Variants in ADCY2 observed in about 807,000 individuals in gnomAD.
The protein encoded by ADCY2 is adenylate cyclase type 2.
Under a neutral mutation model 125.2 loss-of-function variants are expected in ADCY2, and 31 were observed. That is an observed-to-expected ratio of 0.25 (90% CI 0.19 to 0.33). ADCY2 has a LOEUF of 0.33. ADCY2 is among the 10% of genes least tolerant of loss of function. The pLI, the probability that ADCY2 is intolerant of heterozygous loss-of-function variation, is 1.00. For missense variants in ADCY2, 904 were observed against 1,418.2 expected (o/e 0.64, Z 5.82); for synonymous variants, 512 against 548.4 (o/e 0.93, Z 0.93).
intron 2 of ADCY2, among the ~76,000 whole-genome samples, chr5:7,465,509 G>A (rs1742082425): frequency 6.6e-6 from 1 of 152,194 alleles, no homozygotes; most frequent in Non-Finnish European, 1.5e-5. Context: ...CACGGCGTGT[G>A]CACAGGTGTT....
chr5:7,493,797 C>G (rs1213097301), intron 2 of ADCY2, among the ~76,000 whole-genome samples: 1 of 152,130 alleles, frequency 6.6e-6, no homozygotes, highest in African/African-American at 2.4e-5. Context: ...GTTGCTGATT[C>G]ATCCTAAGTA....
chr5:7,636,588 A>T (rs1345524504), intron 4 of ADCY2, among the ~76,000 whole-genome samples: 1 of 152,248 alleles, frequency 6.6e-6, no homozygotes, highest in Non-Finnish European at 1.5e-5. Flanking sequence ...TGTGTCAAAC[A>T]TGATTAGGCT....
intron 3 of ADCY2, among the ~76,000 whole-genome samples, chr5:7,582,176 A>G (rs929155001): frequency 2.0e-5 from 3 of 152,310 alleles, no homozygotes; most frequent in South Asian, 2.1e-4. Context: ...GACATTTTAC[A>G]ATAATATCAT....
chr5:7,814,425 T>A (rs1021980929), intron 22 of ADCY2, among the ~76,000 whole-genome samples: 1 of 151,926 alleles, frequency 6.6e-6, no homozygotes. Flanking sequence ...TGCCGTCCAG[T>A]AGGCAGAGGC....
At chr5:7,619,625 C>A (rs980074445) in intron 3 of ADCY2, among the ~76,000 whole-genome samples, 1 of 152,160 alleles carries the variant, frequency 6.6e-6, no homozygotes, top group Non-Finnish European at 1.5e-5. Context: ...CTTGTTTCAT[C>A]TTCTCTTTTC....
chr5:7,450,596 T>G (rs926148398), intron 2 of ADCY2, among the ~76,000 whole-genome samples: 4 of 152,208 alleles, frequency 2.6e-5, no homozygotes, highest in Admixed American at 2.0e-4. Context: ...AGATCATTGA[T>G]GAAGGTGGCC....
At chr5:7,448,366 A>C (rs534694550) in intron 2 of ADCY2, among the ~76,000 whole-genome samples, 9 of 152,210 alleles carry the variant, frequency 5.9e-5, no homozygotes, top group African/African-American at 1.7e-4. Context: ...CTGGTGCAAA[A>C]AGATTCTCCC....
intron 3 of ADCY2, among the ~76,000 whole-genome samples, chr5:7,573,588 A>ATTTTTTTT (rs1561102712): frequency 1.1e-5 from 1 of 94,622 alleles, no homozygotes; most frequent in Admixed American, 1.1e-4. Flanking sequence ...TACAGGGTTG[A>ATTTTTTTT]TTTTCTTTTT....
At chr5:7,639,251 A>G (rs979578541) in intron 4 of ADCY2, among the ~76,000 whole-genome samples, 2 of 152,136 alleles carry the variant, frequency 1.3e-5, no homozygotes, top group Non-Finnish European at 2.9e-5. Flanking sequence ...CCAAACACCA[A>G]CTGACAAAAC....
intron 3 of ADCY2, among the ~76,000 whole-genome samples, chr5:7,584,775 C>A (rs977278757): frequency 6.6e-6 from 1 of 152,060 alleles, no homozygotes; most frequent in Non-Finnish European, 1.5e-5. Flanking sequence ...AACATTTTTA[C>A]AAATATATAC....
chr5:7,432,921 A>G (rs1740661345), intron 2 of ADCY2, among the ~76,000 whole-genome samples: 1 of 135,124 alleles, frequency 7.4e-6, no homozygotes, highest in Non-Finnish European at 1.6e-5. Context: ...ATTGTACTGC[A>G]TGATGTACTG....
Position 7,828,606 on chromosome 5 carries a change from G to T in ADCY2, c.*1735G>T, listed in dbSNP as rs921704612. The stretch of plus-strand genomic sequence containing the variant: ...TAGAGCATGACTTATTTAGTATTCT[G>T]CCTCAATGGGGAATTTTTTGATCCT... On this transcript the variant is annotated 3_prime_UTR_variant, in exon 25 of 25. Transcript: ENST00000338316. The T allele has an allele frequency of 6.6e-6, 1 of 152,290 alleles. No homozygotes were observed. Among genetic ancestry groups the T allele is most frequent in the African/African-American group, 2.4e-5 (1 of 41,428 alleles). The allele number at this position is 152,290 out of a possible 1,614,324, so 9.4% of individuals were successfully genotyped here. A position where few individuals can be genotyped will look rare whatever the true frequency, so the allele number is the denominator to read the frequency against.
chr5:7,503,743 C>T (rs1261369221), intron 2 of ADCY2, among the ~76,000 whole-genome samples: 4 of 152,124 alleles, frequency 2.6e-5, no homozygotes, highest in South Asian at 2.1e-4. Context: ...AAAAGTGTTT[C>T]GATAGTAGAG....
chr5:7,687,868 A>G (rs899294755), intron 4 of ADCY2, among the ~76,000 whole-genome samples: 1 of 152,176 alleles, frequency 6.6e-6, no homozygotes, highest in Non-Finnish European at 1.5e-5. Context: ...CCACCTACAC[A>G]CAGGTTATCA....
Position 7,633,137 on chromosome 5 carries a change from A to G in ADCY2, c.720+6821A>G, listed in dbSNP as rs1433315640. On this transcript the variant is annotated intron_variant, in intron 4 of 24. Transcript: ENST00000338316. ...ATTTGTTCATTCTTAAAAAAAAAAA[A>G]ATGGACATTTTGGCAGGGCGCGGTG... Among the ~76,000 whole-genome samples, 15 of 152,210 alleles carry G rather than the reference A, an allele frequency of 9.9e-5. No homozygotes were observed. In the East Asian group the frequency reaches 2.5e-3, roughly 25 times the overall value.
chr5:7,659,808 A>C (rs1315220176), intron 4 of ADCY2, among the ~76,000 whole-genome samples: 1 of 152,246 alleles, frequency 6.6e-6, no homozygotes, highest in African/African-American at 2.4e-5. Context: ...ACAACTGTCC[A>C]GGTGCTCGGC....
chr5:7,617,025 G>A (rs2126649428), intron 3 of ADCY2, among the ~76,000 whole-genome samples: 1 of 152,278 alleles, frequency 6.6e-6, no homozygotes, highest in East Asian at 1.9e-4. Context: ...CTATTAGGAA[G>A]TAGAACTTTT....
intron 24 of ADCY2, among the ~76,000 whole-genome samples, chr5:7,823,195 T>C (rs1161132175): frequency 6.6e-6 from 1 of 152,188 alleles, no homozygotes; most frequent in Non-Finnish European, 1.5e-5. Flanking sequence ...GAGTCAACAC[T>C]TGCTACAAAG....
intron 3 of ADCY2, among the ~76,000 whole-genome samples, chr5:7,576,834 C>G (rs1189478337): frequency 6.6e-6 from 1 of 152,120 alleles, no homozygotes; most frequent in East Asian, 1.9e-4. Context: ...GAGCACATCC[C>G]CAAACATTAA....
Sources: gnomAD v4.1 joint callset for allele counts (sites outside exome capture counted in the v4.1 genomes callset) on GRCh38, gnomAD v4.1.1 for gene constraint, MANE v1.5 for transcripts, NCBI Gene and HGNC (gene_info 2026-07-23, HGNC 2026-07-21) for gene names.